Variants in TUNAR observed in about 807,000 individuals in gnomAD.
TUNAR encodes the protein transmembrane neural differentiation associated intracellular calcium regulator.
chr14:95,880,086 A>C (rs1888955857), intron 2 of TUNAR, among the ~76,000 whole-genome samples: 1 of 152,166 alleles, frequency 6.6e-6, no homozygotes, highest in African/African-American at 2.4e-5. Flanking sequence ...GCCTTGGGCA[A>C]ATTATTTCCA....
chr14:95,891,088 C>T (rs540330451), intron 2 of TUNAR, among the ~76,000 whole-genome samples: 2 of 152,322 alleles, frequency 1.3e-5, no homozygotes, highest in East Asian at 1.9e-4. Flanking sequence ...CCTTCGGCCA[C>T]GTGGAGGTCG....
chr14:95,904,340 A>G (rs1011704133), intron 2 of TUNAR, among the ~76,000 whole-genome samples: 1 of 152,120 alleles, frequency 6.6e-6, no homozygotes, highest in African/African-American at 2.4e-5. Flanking sequence ...GTCAACATGC[A>G]AGGCCTGTGG....
At chr14:95,913,324 C>G (rs377632813) in intron 2 of TUNAR, among the ~76,000 whole-genome samples, 8 of 152,082 alleles carry the variant, frequency 5.3e-5, no homozygotes, top group African/African-American at 1.9e-4. Context: ...CCTTGTCCCC[C>G]ACTCCCCGAC....
rs58500125 is a variant in TUNAR, at chr14:95,913,142, C to CTTTT, written c.13-9627_13-9624dup. On this transcript the variant is annotated intron_variant, in intron 2 of 2. Transcript: ENST00000678517. ...GTCTTTGTCACCATCATTTTCTTTCCTTTTTTTTTTTTTTTAAATTCTACT... is the reference window on the plus strand; with the variant it reads ...GTCTTTGTCACCATCATTTTCTTTCCTTTTTTTTTTTTTTTTTTTAAATTCTACT... 6.7e-4 allele frequency among the ~76,000 whole-genome samples: 92 copies of CTTTT among 136,454 alleles called. 2 individuals carry two copies. Among genetic ancestry groups the CTTTT allele is most frequent in the Admixed American group, 1.5e-3 (21 of 13,720 alleles). 89.5% of individuals were successfully genotyped at this position (136,454 alleles called of 152,430 possible). A position where few individuals can be genotyped will look rare whatever the true frequency, so the allele number is the denominator to read the frequency against.
chr14:95,913,956 C>T (rs1424188713), intron 2 of TUNAR, among the ~76,000 whole-genome samples: 1 of 152,244 alleles, frequency 6.6e-6, no homozygotes, highest in Non-Finnish European at 1.5e-5. Flanking sequence ...TGATCTCGAT[C>T]ACTTGACCTT....
intron 2 of TUNAR, among the ~76,000 whole-genome samples, chr14:95,891,076 G>A (rs572802618): frequency 6.6e-6 from 1 of 152,362 alleles, no homozygotes; most frequent in African/African-American, 2.4e-5. Context: ...TAGAAAGATA[G>A]CCCTTCGGCC....
At chr14:95,889,655 C>T (rs948708865) in intron 2 of TUNAR, among the ~76,000 whole-genome samples, 19 of 152,296 alleles carry the variant, frequency 1.2e-4, no homozygotes, top group Non-Finnish European at 1.3e-4. Context: ...GGTAGACCTC[C>T]CTCGTGAGGA....
intron 2 of TUNAR, 39 bp downstream of exon 1, chr14:95,877,216 C>T: frequency 6.6e-6 from 1 of 152,426 alleles, no homozygotes; most frequent in Middle Eastern, 3.4e-3. Context: ...AAGCTCCCTT[C>T]GCAGGGCCCG....
At chr14:95,916,412 G>A (rs549188692) in intron 2 of TUNAR, among the ~76,000 whole-genome samples, 10 of 152,266 alleles carry the variant, frequency 6.6e-5, no homozygotes, top group African/African-American at 2.2e-4. Flanking sequence ...TTTTGCACTC[G>A]ATATTGTATT....
At chr14:95,887,924 A>G (rs1435136310) in intron 2 of TUNAR, among the ~76,000 whole-genome samples, 1 of 152,256 alleles carries the variant, frequency 6.6e-6, no homozygotes, top group Non-Finnish European at 1.5e-5. Flanking sequence ...ACTACCTCCC[A>G]GATTCTGCTG....
At chr14:95,923,637 C>T (rs1889735401) in exon 3 of TUNAR, 1 of 152,138 alleles carries the variant, frequency 6.6e-6, no homozygotes, top group South Asian at 2.1e-4. Flanking sequence ...CTGCTTTGTC[C>T]CCTCCTCCCC....
intron 2 of TUNAR, among the ~76,000 whole-genome samples, chr14:95,893,870 C>T (rs1222093704): frequency 6.6e-6 from 1 of 152,254 alleles, no homozygotes; most frequent in African/African-American, 2.4e-5. Context: ...ATTGTGGCTG[C>T]ACTATGTGGG....
chr14:95,888,004 T>C (rs1374884853), intron 2 of TUNAR, among the ~76,000 whole-genome samples: 2 of 152,252 alleles, frequency 1.3e-5, no homozygotes, highest in Non-Finnish European at 2.9e-5. Context: ...AGGATTTTGA[T>C]GGCTGTCACA....
At chr14:95,892,901 C>G (rs1009931088) in intron 2 of TUNAR, among the ~76,000 whole-genome samples, 7 of 152,154 alleles carry the variant, frequency 4.6e-5, no homozygotes, top group African/African-American at 1.7e-4. Flanking sequence ...GAAGACAGCA[C>G]CTCGATATGT....
At chr14:95,922,656 G>A (rs993505739) in intron 2 of TUNAR, 125 bp from the exon 2 acceptor site, 15 of 395,020 alleles carry the variant, frequency 3.8e-5, no homozygotes, top group African/African-American at 2.9e-4. Context: ...GGATCCTTGT[G>A]GGATTTGTCA....
At chr14:95,900,614 G>A (rs772648797) in intron 2 of TUNAR, among the ~76,000 whole-genome samples, 4 of 152,214 alleles carry the variant, frequency 2.6e-5, no homozygotes, top group Non-Finnish European at 5.9e-5. Context: ...GTGCTGGGGA[G>A]TAAATGAGCC....
intron 2 of TUNAR, among the ~76,000 whole-genome samples, chr14:95,905,234 G>T (rs138470819): frequency 2.6e-5 from 4 of 152,162 alleles, no homozygotes; most frequent in Non-Finnish European, 5.9e-5. Context: ...AGTTACCAAC[G>T]TGTAATACTA....
chr14:95,913,035 C>G (rs1889540854), intron 2 of TUNAR, among the ~76,000 whole-genome samples: 1 of 152,216 alleles, frequency 6.6e-6, no homozygotes, highest in Non-Finnish European at 1.5e-5. Flanking sequence ...TCGTGATCCG[C>G]CCGCCTCGGC....
chr14:95,884,793 A>G (rs769723099), intron 2 of TUNAR, among the ~76,000 whole-genome samples: 3 of 151,928 alleles, frequency 2.0e-5, no homozygotes, highest in South Asian at 2.1e-4. Context: ...GGTCCCCACA[A>G]TCTGTGTCTG....
Sources: gnomAD v4.1 joint callset for allele counts (sites outside exome capture counted in the v4.1 genomes callset) on GRCh38, gnomAD v4.1.1 for gene constraint, MANE v1.5 for transcripts, NCBI Gene and HGNC (gene_info 2026-07-23, HGNC 2026-07-21) for gene names.